The following CCDC7 variants were observed in gnomAD, a reference collection of about 807,000 sequenced individuals.
CCDC7 encodes coiled-coil domain-containing protein 7.
A neutral mutation model predicts 196.9 loss-of-function variants in CCDC7; 183 were observed. The observed-to-expected ratio is 0.93, with a 90% confidence interval of 0.82 to 1.05. CCDC7 has a LOEUF of 1.05. CCDC7 is among the 50% of genes least tolerant of loss of function. The probability of loss-of-function intolerance (pLI) is 0.00; values close to 1 mark genes in which losing one functional copy is unlikely to be tolerated. For missense variants in CCDC7, 1,540 were observed against 1,482.2 expected (o/e 1.04, Z -0.64); for synonymous variants, 525 against 484.6 (o/e 1.08, Z -1.10).
intron 28 of CCDC7, among the ~76,000 whole-genome samples, chr10:32,744,113 T>A (rs1047815592): frequency 2.0e-5 from 3 of 150,066 alleles, no homozygotes; most frequent in Non-Finnish European, 3.0e-5. Flanking sequence ...ATTGTGCACA[T>A]GTATCCTAGA....
intron 41 of CCDC7, among the ~76,000 whole-genome samples, chr10:32,859,365 A>ACC (rs1157703458): frequency 3.0e-4 from 45 of 152,216 alleles, no homozygotes; most frequent in Admixed American, 2.9e-3. Flanking sequence ...GTTCTTTGAA[A>ACC]CCAATGAGAA....
intron 37 of CCDC7, among the ~76,000 whole-genome samples, chr10:32,846,951 C>T (rs2093323121): frequency 6.6e-6 from 1 of 152,166 alleles, no homozygotes; most frequent in Non-Finnish European, 1.5e-5. Context: ...TCAGAGATTA[C>T]ATTACTGGCT....
intron 13 of CCDC7, among the ~76,000 whole-genome samples, chr10:32,560,169 A>G (rs2055197699): frequency 6.6e-6 from 1 of 152,240 alleles, no homozygotes; most frequent in South Asian, 2.1e-4. Flanking sequence ...ATATGGGACT[A>G]TGTGAAAAGA....
intron 28 of CCDC7, among the ~76,000 whole-genome samples, chr10:32,743,493 C>G (rs905999897): frequency 2.6e-5 from 4 of 152,108 alleles, no homozygotes; most frequent in African/African-American, 7.2e-5. Context: ...CCTATGTCCT[C>G]AACGGTATTG....
intron 11 of CCDC7, among the ~76,000 whole-genome samples, chr10:32,534,885 G>A (rs1231487854): frequency 6.6e-6 from 1 of 151,930 alleles, no homozygotes; most frequent in East Asian, 1.9e-4. Flanking sequence ...TCTCCCTTTA[G>A]GCAGTCATAA....
intron 5 of CCDC7, among the ~76,000 whole-genome samples, chr10:32,466,183 A>G (rs1289473592): frequency 6.7e-6 from 1 of 150,206 alleles, no homozygotes; most frequent in African/African-American, 2.4e-5. Context: ...TTAATATTTT[A>G]TTAATTTGGT....
intron 13 of CCDC7, among the ~76,000 whole-genome samples, chr10:32,548,320 T>A (rs1224262905): frequency 1.3e-5 from 2 of 152,122 alleles, no homozygotes; most frequent in African/African-American, 4.8e-5. Context: ...GTCAGTAGTT[T>A]GGCAGGAAGG....
intron 13 of CCDC7, among the ~76,000 whole-genome samples, chr10:32,562,643 C>G (rs552655289): frequency 6.6e-6 from 1 of 152,062 alleles, no homozygotes; most frequent in Non-Finnish European, 1.5e-5. Context: ...ATTGATGGGA[C>G]GTATCTCAAA....
In CCDC7 at chr10:32,696,215, A is replaced by G. The variant is rs374808589; in HGVS notation, c.2458+1223A>G. On this transcript the variant is annotated intron_variant, in intron 24 of 41. Transcript: ENST00000639629. ...CAGTAATGGGTTCCATAATGATGGA[A>G]GTATGTAGTGGCTTGAAGAGACCTA... Among the ~76,000 whole-genome samples, 189 of 152,234 alleles carry G rather than the reference A, an allele frequency of 1.2e-3. 4 individuals are homozygous for G. The South Asian group carries it at 0.039, about 31-fold the overall frequency.
At chr10:32,542,729 G>A (rs2051698126) in intron 11 of CCDC7, among the ~76,000 whole-genome samples, 1 of 150,800 alleles carries the variant, frequency 6.6e-6, no homozygotes, top group Non-Finnish European at 1.5e-5. Flanking sequence ...CTGGTGGTAT[G>A]ACATTTTAAT....
chr10:32,584,313 ACT>A lies in CCDC7; in HGVS notation c.1801+12_1801+13del, dbSNP rs761388324. 7.0e-6 allele frequency: 11 copies of A among 1,570,252 alleles called. No individual in the cohort carries two copies. The highest frequency in any genetic ancestry group is 1.7e-5 in the Admixed American group (1 of 59,258). On this transcript the variant is annotated intron_variant, in intron 18 of 41. Coordinates refer to ENST00000639629, the Ensembl canonical transcript of CCDC7. Reference sequence around the variant, plus strand: ...AGCAGAAAAATCTCAAGGTAAAAAGACTCTGTTTTGGAAGATGAAAATGTGAT... The same window carrying A: ...AGCAGAAAAATCTCAAGGTAAAAAGACTGTTTTGGAAGATGAAAATGTGAT...
chr10:32,728,768 G>T, intron 26 of CCDC7, 119 bp from the exon 28 acceptor site: 1 of 506,268 alleles, frequency 2.0e-6, no homozygotes, highest in Admixed American at 3.9e-5. Context: ...CTATTTTTGT[G>T]TCAGATCTAG....
At chr10:32,501,475 AT>A in intron 9 of CCDC7, among the ~76,000 whole-genome samples, 1 of 152,100 alleles carries the variant, frequency 6.6e-6, no homozygotes, top group East Asian at 1.9e-4. Flanking sequence ...GGTTTTTGGA[AT>A]TTTCAGCCTT....
chr10:32,532,981 A>T (rs1164880335), intron 11 of CCDC7, among the ~76,000 whole-genome samples: 1 of 151,876 alleles, frequency 6.6e-6, no homozygotes, highest in East Asian at 1.9e-4. Flanking sequence ...TATAAGTAAG[A>T]TCTTACTATG....
At chr10:32,834,658 T>G (rs4609552) in intron 32 of CCDC7, among the ~76,000 whole-genome samples, 157 bp from the exon 34 acceptor site, 139,391 of 150,994 alleles carry the variant, frequency 0.92, 65,318 homozygotes, top group East Asian at 1. Context: ...TGCAGTCCAG[T>G]GCTTTTTTTT....
chr10:32,572,446 A>C (rs1447423372), intron 16 of CCDC7, among the ~76,000 whole-genome samples: 1 of 152,162 alleles, frequency 6.6e-6, no homozygotes, highest in African/African-American at 2.4e-5. Context: ...ATTACCTAGA[A>C]GTATGCATTT....
At position 32,541,416 on chromosome 10, in the gene CCDC7, A is replaced by G. The variant is rs2051409194; in HGVS notation, c.994-1884A>G. Among the ~76,000 whole-genome samples, 10 of 152,164 alleles carry G rather than the reference A, an allele frequency of 6.6e-5. No homozygotes were observed. The South Asian group carries it at 2.1e-3, about 32-fold the overall frequency. On this transcript the variant is annotated intron_variant, in intron 11 of 41. Transcript: ENST00000639629. ...GGGTCACCTGCTCAGCTCTCTGGGT[A>G]TTTCCTGGGAAAACAGGTGGCTACA...
At chr10:32,489,652 G>A (rs1314691821) in intron 8 of CCDC7, among the ~76,000 whole-genome samples, 5 of 152,280 alleles carry the variant, frequency 3.3e-5, no homozygotes, top group Middle Eastern at 3.4e-3. Context: ...AGCTCACTGT[G>A]GCAGTGGCTC....
At chr10:32,670,036 C>T (rs1013273148) in intron 21 of CCDC7, among the ~76,000 whole-genome samples, 3 of 152,046 alleles carry the variant, frequency 2.0e-5, no homozygotes, top group Non-Finnish European at 2.9e-5. Flanking sequence ...GCTTGGGGCA[C>T]GTTTGTAAGA....
Sources: gnomAD v4.1 joint callset for allele counts (sites outside exome capture counted in the v4.1 genomes callset) on GRCh38, gnomAD v4.1.1 for gene constraint, MANE v1.5 for transcripts, NCBI Gene and HGNC (gene_info 2026-07-23, HGNC 2026-07-21) for gene names.